TOR1AIP2: variants seen among roughly 807,000 people sequenced by gnomAD.
The protein encoded by TOR1AIP2 is torsin 1A interacting protein 2.
A neutral mutation model predicts 32.6 loss-of-function variants in TOR1AIP2; 20 were observed. The ratio of observed to expected loss-of-function variants is 0.61; its 90% confidence interval spans 0.43 to 0.89. The LOEUF is 0.89. Among genes scored for constraint, TOR1AIP2 ranks in the 40% least tolerant of loss-of-function variants. The probability of loss-of-function intolerance (pLI) is 0.00; values close to 1 mark genes in which losing one functional copy is unlikely to be tolerated. For missense variants in TOR1AIP2, 456 were observed against 553.8 expected, an observed-to-expected ratio of 0.82 and a Z score of 1.77; for synonymous variants, 214 against 210.8, an observed-to-expected ratio of 1.02 and a Z score of -0.13.
intron 6 of TOR1AIP2, among the ~76,000 whole-genome samples, 179 bp downstream of exon 6, chr1:179,847,356 G>A (rs988579015): frequency 3.3e-5 from 5 of 152,132 alleles, no homozygotes; most frequent in Admixed American, 6.5e-5. Context: ...GCCAGCACCC[G>A]TAAGGGAAAA....
chr1:179,848,183 A>AT (rs1483833901), intron 5 of TOR1AIP2, among the ~76,000 whole-genome samples: 1 of 152,232 alleles, frequency 6.6e-6, no homozygotes, highest in Non-Finnish European at 1.5e-5. Context: ...ACTGCCTCTT[A>AT]TATCAAAGAC....
chr1:179,857,052 T>C (rs1044599829), intron 3 of TOR1AIP2, among the ~76,000 whole-genome samples: 1 of 152,226 alleles, frequency 6.6e-6, no homozygotes, highest in African/African-American at 2.4e-5. Flanking sequence ...TCTACAGCTG[T>C]AGGGAAAACC....
chr1:179,870,010 G>A (rs780572599), intron 2 of TOR1AIP2, among the ~76,000 whole-genome samples: 2 of 152,104 alleles, frequency 1.3e-5, no homozygotes, highest in South Asian at 2.1e-4. Context: ...AAATATTGGC[G>A]GTGGGAGAAA....
At chr1:179,872,351 T>C (rs931159912) in intron 2 of TOR1AIP2, among the ~76,000 whole-genome samples, 5 of 152,200 alleles carry the variant, frequency 3.3e-5, no homozygotes, top group Non-Finnish European at 5.9e-5. Flanking sequence ...CTTTCAACAG[T>C]CAGATCTGGT....
intron 3 of TOR1AIP2, chr1:179,864,221 C>T (rs1193031307): frequency 2.0e-6 from 2 of 985,286 alleles, no homozygotes; most frequent in Non-Finnish European, 1.2e-6. Flanking sequence ...GAGGATGGGC[C>T]AAACAGGGCC....
chr1:179,853,847 G>A (rs1016224482), intron 3 of TOR1AIP2, among the ~76,000 whole-genome samples: 1 of 152,196 alleles, frequency 6.6e-6, no homozygotes, highest in African/African-American at 2.4e-5. Flanking sequence ...GGGAAGAGAA[G>A]AGTTAGGGAC....
Position 179,846,662 on chromosome 1 carries a change from C to A in TOR1AIP2, c.822G>T (p.Trp274Cys). 1 of 1,614,130 alleles carries A rather than the reference C, an allele frequency of 6.2e-7. No individual in the cohort carries two copies. Among genetic ancestry groups the A allele is most frequent in the Non-Finnish European group, 8.5e-7 (1 of 1,180,004 alleles). ...TCTGGAGAAACTTCCGTCCTCTCTG[C>A]CACAGGAAGGAACTCTGGCCTGGAA... is the stretch of plus-strand genomic sequence containing the variant. Reference protein sequence around the residue: ...DKFPGQSSFLWQRGRKFLQKH... With the variant: ...DKFPGQSSFLCQRGRKFLQKH... Residue 274 changes from tryptophan to cysteine, a missense_variant, in exon 7 of 7, where the codon TGG becomes TGT. Transcript: ENST00000609928.
rs1172529622 is a variant in TOR1AIP2 at position 179,844,080 on chromosome 1, A to C, written c.*1991T>G. 6.6e-6 allele frequency: 1 copy of C among 152,226 alleles called. No homozygotes were observed. Among genetic ancestry groups the C allele is most frequent in the Non-Finnish European group, 1.5e-5 (1 of 68,048 alleles). 9.4% of individuals were successfully genotyped at this position (152,226 alleles called of 1,614,324 possible). A position where few individuals can be genotyped will look rare whatever the true frequency, so the allele number is the denominator to read the frequency against. On this transcript the variant is annotated 3_prime_UTR_variant, in exon 7 of 7. Coordinates refer to ENST00000609928, the MANE Select transcript of TOR1AIP2 (RefSeq NM_001199260.2). The stretch of plus-strand genomic sequence containing the variant: ...GTAGCACAGGTCAGCAGGCCAATAT[A>C]ATAGTTATACAAGGCAACACTGGTT...
chr1:179,855,270 G>A (rs1281429), intron 3 of TOR1AIP2, among the ~76,000 whole-genome samples: 66,073 of 151,918 alleles, frequency 0.43, 15,657 homozygotes, highest in African/African-American at 0.63. Context: ...TCTACACAAG[G>A]TATCAAAATT....
chr1:179,858,101 G>C (rs1022128514), intron 3 of TOR1AIP2, among the ~76,000 whole-genome samples: 2 of 151,526 alleles, frequency 1.3e-5, no homozygotes, highest in African/African-American at 2.4e-5. Context: ...GCTGCAGGGA[G>C]CTAAGATCAC....
intron 1 of TOR1AIP2, 121 bp from the exon 2 acceptor site, chr1:179,877,494 C>G (rs1647423020): frequency 6.6e-6 from 1 of 150,878 alleles, no homozygotes; most frequent in African/African-American, 2.4e-5. Flanking sequence ...CTGTGGTGAG[C>G]TATGATCACG....
chr1:179,855,342 T>C (rs2148434169), intron 3 of TOR1AIP2, among the ~76,000 whole-genome samples: 1 of 152,228 alleles, frequency 6.6e-6, no homozygotes. Context: ...GGAATTAATA[T>C]TGAGAACACA....
chr1:179,860,961 G>A (rs1271483684), intron 3 of TOR1AIP2: 2 of 985,380 alleles, frequency 2.0e-6, no homozygotes, highest in Non-Finnish European at 2.4e-6. Flanking sequence ...TCCTTCACCT[G>A]TAACTCAGAG....
At chr1:179,868,429 AC>A (rs1696877444) in intron 2 of TOR1AIP2, 2 of 152,246 alleles carry the variant, frequency 1.3e-5, no homozygotes, top group Non-Finnish European at 2.9e-5. Flanking sequence ...ATAAAATGTA[AC>A]TTGAATTCTT....
In TOR1AIP2 at chr1:179,851,134, A is replaced by T. The variant is rs1696100686; in HGVS notation, c.264T>A (p.Asp88Glu). The change falls in exon 5 of 7, where the codon GAT (aspartate) becomes GAA (glutamate). Residue 88 changes from aspartate to glutamate, a missense_variant. Transcript: ENST00000609928. Reference protein sequence around the residue: ...VGKHPKDKTEDENKQSFLDGG... With the variant: ...VGKHPKDKTEEENKQSFLDGG... ...CATCCAGAAAACTCTGCTTGTTCTC[A>T]TCTTCTGTTTTATCCTTTGGATGTT... 6.2e-7 allele frequency: 1 copy of T among 1,613,924 alleles called. No individual in the cohort carries two copies. Among genetic ancestry groups the T allele is most frequent in the African/African-American group, 1.3e-5 (1 of 74,864 alleles).
Position 179,846,237 on chromosome 1 carries a change from T to C in TOR1AIP2, c.1247A>G (p.Glu416Gly). ...EASVGPRETEEKVRDLLWAKF... is the reference protein window; with the variant it reads ...EASVGPRETEGKVRDLLWAKF... ...GGCCCAGAGTAAGTCTCTCACTTTTTCTTCCGTTTCCCTTGGGCCTACACT... is the reference window on the plus strand; with the variant it reads ...GGCCCAGAGTAAGTCTCTCACTTTTCCTTCCGTTTCCCTTGGGCCTACACT... Residue 416 changes from glutamate to glycine, a missense_variant, in exon 7 of 7, where the codon GAA becomes GGA. Physicochemically the swap from Glu to Gly is moderately conservative, Grantham distance 98. Transcript: ENST00000609928. 6.2e-7 allele frequency: 1 copy of C among 1,614,220 alleles called. No individual in the cohort carries two copies. Among genetic ancestry groups the C allele is most frequent in the Non-Finnish European group, 8.5e-7 (1 of 1,180,042 alleles).
Position 179,845,992 on chromosome 1 carries a change from T to A in TOR1AIP2, c.*79A>T, listed in dbSNP as rs1401176209. ...ATTTCCTCAAGCTATTTTATCAACC[T>A]CCTTCCATATAAATGGAAGGTCTTT... On this transcript the variant is annotated 3_prime_UTR_variant, in exon 7 of 7. Coordinates refer to ENST00000609928, the MANE Select transcript of TOR1AIP2 (RefSeq NM_001199260.2). 1 of 1,275,902 alleles carries A rather than the reference T, an allele frequency of 7.8e-7. No individual in the cohort carries two copies. The highest frequency in any genetic ancestry group is 1.5e-5 in the African/African-American group (1 of 67,220). The allele number at this position is 1,275,902 out of a possible 1,614,324, so 79.0% of individuals were successfully genotyped here. A position where few individuals can be genotyped will look rare whatever the true frequency, so the allele number is the denominator to read the frequency against.
chr1:179,851,012 T>A lies in TOR1AIP2; in HGVS notation c.386A>T (p.Asp129Val). ...HSPSDKVGRA[D>V]AHLGSSSVAL... ...CACAGAGCTGCTCCCTAAGTGTGCATCTGCTCTTCCTACCTTGTCACTTGG... is the reference window on the plus strand; with the variant it reads ...CACAGAGCTGCTCCCTAAGTGTGCAACTGCTCTTCCTACCTTGTCACTTGG... The change falls in exon 5 of 7, where the codon GAT (aspartate) becomes GTT (valine). Residue 129 changes from aspartate to valine, a missense_variant. Coordinates refer to ENST00000609928, the MANE Select transcript of TOR1AIP2 (RefSeq NM_001199260.2). 1 of 1,614,200 alleles carries A rather than the reference T, an allele frequency of 6.2e-7. No individual in the cohort carries two copies. Among genetic ancestry groups the A allele is most frequent in the South Asian group, 1.1e-5 (1 of 91,084 alleles).
rs2647223 is a variant in TOR1AIP2 at position 179,845,989 on chromosome 1, A to G, written c.*82T>C. On this transcript the variant is annotated 3_prime_UTR_variant, in exon 7 of 7. Transcript: ENST00000609928. The stretch of plus-strand genomic sequence containing the variant: ...GCTATTTCCTCAAGCTATTTTATCA[A>G]CCTCCTTCCATATAAATGGAAGGTC... 2,886 of 1,284,002 alleles carry G rather than the reference A, an allele frequency of 2.2e-3. 55 individuals are homozygous for G. The African/African-American group carries it at 0.038, about 17-fold the overall frequency. 79.5% of individuals were successfully genotyped at this position (1,284,002 alleles called of 1,614,324 possible).
Sources: allele counts gnomAD v4.1 joint callset (sites outside exome capture counted in the v4.1 genomes callset), GRCh38; gene constraint gnomAD v4.1.1; transcripts MANE v1.5; gene names NCBI Gene and HGNC (gene_info 2026-07-23, HGNC 2026-07-21).